Variants in PRPF40B observed in about 807,000 individuals in gnomAD.
PRPF40B encodes the protein pre-mRNA-processing factor 40 homolog B.
PRPF40B carries 56 observed loss-of-function variants against 124.5 expected under a neutral mutation model. The ratio of observed to expected loss-of-function variants is 0.45; its 90% CI spans 0.36 to 0.56. The LOEUF (loss-of-function observed/expected upper bound fraction) is 0.56. PRPF40B is among the 20% of genes least tolerant of loss of function. PRPF40B has a pLI of 0.00. For synonymous variants in PRPF40B, 443 were observed against 426.4 expected, an observed-to-expected ratio of 1.04 and a Z score of -0.48; for missense variants, 1,053 against 1,169.5, an observed-to-expected ratio of 0.90 and a Z score of 1.45.
intron 5 of PRPF40B, 30 bp downstream of exon 5, chr12:49,632,653 G>C: frequency 6.2e-7 from 1 of 1,612,488 alleles, no homozygotes; most frequent in Non-Finnish European, 8.5e-7. Context: ...GCTCCCCCCA[G>C]GCTCGGAGGT....
In PRPF40B at chr12:49,631,385, C is replaced by T; in HGVS notation, c.85-16C>T. The T allele has an allele frequency of 2.0e-6, 3 of 1,510,992 alleles. No individual in the cohort carries two copies. The highest frequency in any genetic ancestry group is 2.6e-6 in the Non-Finnish European group (3 of 1,132,266). The allele number at this position is 1,510,992 out of a possible 1,614,324, so 93.6% of individuals were successfully genotyped here. On this transcript the variant is annotated splice_polypyrimidine_tract_variant and intron_variant, in intron 2 of 25. Coordinates refer to ENST00000548825, the MANE Select transcript of PRPF40B (RefSeq NM_001031698.3). This position sits in a 1 kb window ranked among gnomAD's most constrained non-coding sequence, Gnocchi z 4.3. ...TGTCTTCCCTGCTCAGTATCTCTTC[C>T]TTTACTCATTTCCAGATGCCCCCTC...
intron 7 of PRPF40B, 49 bp from the exon 8 acceptor site, chr12:49,633,378 T>C: frequency 1.2e-6 from 2 of 1,612,400 alleles, no homozygotes; most frequent in African/African-American, 2.7e-5. Flanking sequence ...CCTGACTGGC[T>C]GGAGAACTTG....
intron 10 of PRPF40B, 72 bp downstream of exon 10, chr12:49,634,164 G>T: frequency 1.3e-6 from 2 of 1,580,630 alleles, no homozygotes; most frequent in Non-Finnish European, 1.7e-6. Context: ...CTTGTCCTCT[G>T]CTGGGCCTCT....
At chr12:49,632,954 T>A (rs1444941279) in intron 6 of PRPF40B, 60 bp from the exon 7 acceptor site, 2 of 1,607,508 alleles carry the variant, frequency 1.2e-6, no homozygotes, top group Non-Finnish European at 1.7e-6. Flanking sequence ...ATCTTTGGGG[T>A]GAGGAGAGGC....
chr12:49,639,871 C>T (rs189616825), intron 18 of PRPF40B: 2 of 152,296 alleles, frequency 1.3e-5, no homozygotes, highest in Admixed American at 6.5e-5. Flanking sequence ...GAATTACTCT[C>T]AAAGCAAATA....
In PRPF40B at chr12:49,635,838, C is replaced by T; in HGVS notation, c.1276-5C>T. 5 of 1,613,566 alleles carry T rather than the reference C, an allele frequency of 3.1e-6. No individual in the cohort carries two copies. The highest frequency in any genetic ancestry group is 4.2e-6 in the Non-Finnish European group (5 of 1,179,842). On this transcript the variant is annotated splice_region_variant and splice_polypyrimidine_tract_variant and intron_variant, in intron 14 of 25. Transcript: ENST00000548825. The surrounding 1 kb of genome is among the most constrained non-coding windows in gnomAD (Gnocchi z 4.1). Reference sequence around the variant, plus strand: ...CTGCCTCACCCTGATCCTGTGGCTCCCTAGGAACAGGCCAAGCAGCTCCGG... The same window carrying T: ...CTGCCTCACCCTGATCCTGTGGCTCTCTAGGAACAGGCCAAGCAGCTCCGG...
intron 9 of PRPF40B, 36 bp from the exon 10 acceptor site, chr12:49,633,850 C>T (rs772554659): frequency 6.2e-7 from 1 of 1,612,118 alleles, no homozygotes; most frequent in Non-Finnish European, 8.5e-7. Context: ...CATTCTTGCT[C>T]TCCTCCTGGA....
intron 1 of PRPF40B, 42 bp downstream of exon 1, chr12:49,623,635 C>T: frequency 8.1e-7 from 1 of 1,230,286 alleles, no homozygotes; most frequent in African/African-American, 1.6e-5. Context: ...GGGGCGGTCC[C>T]ACAGCGCCCC....
chr12:49,633,994 G>A lies in PRPF40B; in HGVS notation c.714G>A (p.Leu238=), dbSNP rs768253397. The A allele has an allele frequency of 2.5e-6, 4 of 1,614,184 alleles. No homozygotes were observed. The highest frequency in any genetic ancestry group is 3.4e-6 in the Non-Finnish European group (4 of 1,180,028). ...CCACCCCAGTGCCCACAGGCCTCCT[G>A]GAACCTGAGCCAGGTGGGAGTGAAG... The part of the protein sequence containing the change: ...PGPTPVPTGL[L]EPEPGGSEDC... The change falls in exon 10 of 26, where the codon CTG becomes CTA. Residue 238 remains leucine (L), a synonymous_variant. Coordinates refer to ENST00000548825, the MANE Select transcript of PRPF40B (RefSeq NM_001031698.3).
rs1358761008 is a variant in PRPF40B, at chr12:49,642,454, G to A, written c.2022+82G>A. On this transcript the variant is annotated intron_variant, in intron 20 of 25. Transcript: ENST00000548825. The surrounding 1 kb of genome is among the most constrained non-coding windows in gnomAD (Gnocchi z 5.8). ...ACCACTGAGGGCCCACCCCAGTCAC[G>A]TCACAGCCCTGGGCCAGCTCCAGTT... 8.2e-6 allele frequency: 13 copies of A among 1,578,890 alleles called. No homozygotes were observed. The highest frequency in any genetic ancestry group is 3.3e-5 in the South Asian group (3 of 89,796).
At chr12:49,627,520 AG>A (rs1369032611) in intron 1 of PRPF40B, among the ~76,000 whole-genome samples, 1 of 152,102 alleles carries the variant, frequency 6.6e-6, no homozygotes, top group Non-Finnish European at 1.5e-5. Context: ...TCTCAGGCAA[AG>A]GTGGATGCCT....
chr12:49,625,834 T>C (rs546384048), intron 1 of PRPF40B, among the ~76,000 whole-genome samples: 30 of 152,218 alleles, frequency 2.0e-4, no homozygotes, highest in Non-Finnish European at 3.5e-4. Flanking sequence ...CCCAAAGTTT[T>C]ATGGCACTGC....
At chr12:49,623,659 C>G in intron 1 of PRPF40B, 66 bp downstream of exon 1, 1 of 1,127,048 alleles carries the variant, frequency 8.9e-7, no homozygotes, top group Non-Finnish European at 1.1e-6. Context: ...CGGCCCGGGC[C>G]GTGGCCGATG....
chr12:49,631,694 C>CAA lies in PRPF40B; in HGVS notation c.228+151_228+152dup, dbSNP rs1315826921. Reference sequence around the variant, plus strand: ...GGATTTGTCTGCTGAATGACTGAGACAACTCTCAGGCAAGGTGAGAGGCCA... The same window carrying CAA: ...GGATTTGTCTGCTGAATGACTGAGACAAAACTCTCAGGCAAGGTGAGAGGCCA... On this transcript the variant is annotated intron_variant, in intron 3 of 25. Coordinates refer to ENST00000548825, the MANE Select transcript of PRPF40B (RefSeq NM_001031698.3). The surrounding 1 kb of genome is among the most constrained non-coding windows in gnomAD (Gnocchi z 4.3). 16 of 1,290,842 alleles carry CAA rather than the reference C, an allele frequency of 1.2e-5. No homozygotes were observed. Among genetic ancestry groups the CAA allele is most frequent in the Non-Finnish European group, 1.8e-5 (16 of 904,074 alleles). 80.0% of individuals were successfully genotyped at this position (1,290,842 alleles called of 1,614,324 possible).
At chr12:49,643,429 G>C (rs990290046) in intron 23 of PRPF40B, 32 bp downstream of exon 23, 1 of 1,530,732 alleles carries the variant, frequency 6.5e-7, no homozygotes, top group African/African-American at 1.4e-5. Context: ...AGAAGCTGGA[G>C]AACTGTTGTC....
intron 1 of PRPF40B, chr12:49,623,988 C>G: frequency 9.7e-7 from 1 of 1,035,128 alleles, no homozygotes; most frequent in Non-Finnish European, 1.2e-6. Context: ...GCGACATGCC[C>G]TTCCCCCAGC....
chr12:49,640,424 T>G (rs1054997531), intron 18 of PRPF40B: 1 of 152,184 alleles, frequency 6.6e-6, no homozygotes, highest in Non-Finnish European at 1.5e-5. Flanking sequence ...AGAGAGGGTG[T>G]GACCTGGAGA....
At position 49,636,863 on chromosome 12, in the gene PRPF40B, C is replaced by A; in HGVS notation, c.1560+14C>A. On this transcript the variant is annotated intron_variant, in intron 16 of 25. Coordinates refer to ENST00000548825, the MANE Select transcript of PRPF40B (RefSeq NM_001031698.3). ...GAGGCCTTCCAGGTATCTTTGCTGTCCTTTCTAGATCAGAGCTCAGCTCTG... is the reference window on the plus strand; with the variant it reads ...GAGGCCTTCCAGGTATCTTTGCTGTACTTTCTAGATCAGAGCTCAGCTCTG... 1 of 1,613,300 alleles carries A rather than the reference C, an allele frequency of 6.2e-7. No homozygotes were observed. The highest frequency in any genetic ancestry group is 1.1e-5 in the South Asian group (1 of 91,036).
rs1451166751 is a variant in PRPF40B at position 49,637,283 on chromosome 12, T to G, written c.1561-187T>G. 3 of 600,352 alleles carry G rather than the reference T, an allele frequency of 5.0e-6. No individual in the cohort carries two copies. In the African/African-American group the frequency reaches 5.6e-5, roughly 11 times the overall value. The allele number at this position is 600,352 out of a possible 1,614,324, so 37.2% of individuals were successfully genotyped here. On this transcript the variant is annotated intron_variant, in intron 16 of 25. Coordinates refer to ENST00000548825, the MANE Select transcript of PRPF40B (RefSeq NM_001031698.3). Reference sequence around the variant, plus strand: ...TTTTGTTCTGTCCCTCTCTGTGTATTTACTTTCTCTCTTTTTGCATTGTTC... The same window carrying G: ...TTTTGTTCTGTCCCTCTCTGTGTATGTACTTTCTCTCTTTTTGCATTGTTC...
Sources: gnomAD v4.1 joint callset for allele counts (sites outside exome capture counted in the v4.1 genomes callset) on GRCh38, gnomAD v4.1.1 for gene constraint, Gnocchi (gnomAD v3.1) non-coding constraint, MANE v1.5 for transcripts, NCBI Gene and HGNC (gene_info 2026-07-23, HGNC 2026-07-21) for gene names.